Variants in PJA2 observed in about 807,000 individuals in gnomAD.
PJA2 encodes the protein praja ring finger ubiquitin ligase 2.
In PJA2, 25 loss-of-function variants were observed where a neutral mutation model predicts 69.3. The observed-to-expected ratio is 0.36, with a 90% CI of 0.26 to 0.50. The LOEUF is 0.50. Among genes scored for constraint, PJA2 ranks in the 20% least tolerant of loss-of-function variants. PJA2 has a pLI of 0.96. For synonymous variants in PJA2, 308 were observed against 277.8 expected (o/e 1.11, Z -1.08); for missense variants, 809 against 830.2 (o/e 0.97, Z 0.31).
rs1316271119 is a variant in PJA2 at position 109,383,535 on chromosome 5, T to G, written c.-87-15A>C. 1 of 930,252 alleles carries G rather than the reference T, an allele frequency of 1.1e-6. No homozygotes were observed. 57.6% of individuals were successfully genotyped at this position (930,252 alleles called of 1,614,324 possible). Reference sequence around the variant, plus strand: ...GCAGAAGATTCCTACAAAGAAACAATGAATTGAACAATATATTAATAAAAG... The same window carrying G: ...GCAGAAGATTCCTACAAAGAAACAAGGAATTGAACAATATATTAATAAAAG... On this transcript the variant is annotated splice_polypyrimidine_tract_variant and intron_variant, in intron 1 of 9. Transcript: ENST00000361189.
chr5:109,400,480 AGG>A (rs879317404), intron 1 of PJA2, among the ~76,000 whole-genome samples: 1 of 18,312 alleles, frequency 5.5e-5, no homozygotes, highest in African/African-American at 3.2e-4. Context: ...GCAAACCAGC[AGG>A]GGGAGGGGGG....
intron 3 of PJA2, among the ~76,000 whole-genome samples, chr5:109,380,931 G>A (rs528485662): frequency 2.4e-4 from 36 of 151,396 alleles, no homozygotes; most frequent in Middle Eastern, 3.4e-3. Flanking sequence ...CCTGGCCAAC[G>A]TGGTGAAACC....
At chr5:109,361,280 A>AATT (rs2126997911) in intron 6 of PJA2, among the ~76,000 whole-genome samples, 1 of 152,308 alleles carries the variant, frequency 6.6e-6, no homozygotes, top group Admixed American at 6.5e-5. Flanking sequence ...ATTTGTCCTA[A>AATT]AGGAAAAACC....
intron 7 of PJA2, among the ~76,000 whole-genome samples, chr5:109,350,216 T>C (rs1762227850): frequency 5.3e-5 from 8 of 151,814 alleles, no homozygotes; most frequent in Non-Finnish European, 1.5e-5. Flanking sequence ...TTTAAGATGA[T>C]CCAGGATCAC....
chr5:109,397,814 G>C (rs1433054071), intron 1 of PJA2, among the ~76,000 whole-genome samples: 4 of 152,140 alleles, frequency 2.6e-5, no homozygotes, highest in Non-Finnish European at 5.9e-5. Context: ...GTGAGCCACG[G>C]TGAACGGCCA....
chr5:109,399,826 T>C (rs181566479), intron 1 of PJA2, among the ~76,000 whole-genome samples: 1 of 152,240 alleles, frequency 6.6e-6, no homozygotes, highest in East Asian at 1.9e-4. Flanking sequence ...AAAATAACTA[T>C]GATTACCCTT....
intron 7 of PJA2, among the ~76,000 whole-genome samples, chr5:109,349,140 A>G (rs986083491): frequency 6.6e-6 from 1 of 152,196 alleles, no homozygotes; most frequent in Non-Finnish European, 1.5e-5. Flanking sequence ...ATACAATTCT[A>G]TTGATGGATG....
intron 1 of PJA2, among the ~76,000 whole-genome samples, chr5:109,407,197 G>A (rs923815893): frequency 6.6e-6 from 1 of 152,114 alleles, no homozygotes; most frequent in African/African-American, 2.4e-5. Context: ...ACATTTTACT[G>A]TATCTAAGTT....
In PJA2 at chr5:109,362,936, G is replaced by C; in HGVS notation, c.1556C>G (p.Pro519Arg). The change falls in exon 6 of 10, where the codon CCT (proline) becomes CGT (arginine). Residue 519 changes from proline (P) to arginine (R), a missense_variant. Physicochemically the swap from Pro to Arg is moderately radical, Grantham distance 103 (BLOSUM62 -2). This residue lies in a region of PJA2 where 700 missense variants were observed against 639.5 expected (regional missense o/e 1.09). Transcript: ENST00000361189. ...NESSSDEGNE[P>R]ANEFAQPAFM... ...AGCTGGCTGTGCAAATTCATTGGCA[G>C]GTTCATTTCCCTCATCACTGCTGCT... 1 of 1,613,856 alleles carries C rather than the reference G, an allele frequency of 6.2e-7. No individual in the cohort carries two copies. The highest frequency in any genetic ancestry group is 8.5e-7 in the Non-Finnish European group (1 of 1,179,828).
At chr5:109,356,754 C>T (rs1015254244) in intron 6 of PJA2, among the ~76,000 whole-genome samples, 4 of 151,918 alleles carry the variant, frequency 2.6e-5, no homozygotes, top group African/African-American at 9.7e-5. Context: ...TTATTTCAAG[C>T]CTTTCTCATT....
intron 1 of PJA2, among the ~76,000 whole-genome samples, chr5:109,406,007 T>C (rs7707691): frequency 0.17 from 25,641 of 150,336 alleles, 3,406 homozygotes; most frequent in East Asian, 0.36. Flanking sequence ...AAGAATGTAT[T>C]AAAAAATGCT....
At chr5:109,383,852 A>G (rs1747103683) in intron 1 of PJA2, among the ~76,000 whole-genome samples, 1 of 152,244 alleles carries the variant, frequency 6.6e-6, no homozygotes, top group African/African-American at 2.4e-5. Context: ...GCTTGAGCCC[A>G]GGAGGTGGAG....
intron 9 of PJA2, among the ~76,000 whole-genome samples, chr5:109,338,725 T>C (rs1260338415): frequency 1.3e-5 from 2 of 152,134 alleles, no homozygotes; most frequent in Non-Finnish European, 2.9e-5. Context: ...AATAACATTT[T>C]AGAGTCAAAT....
intron 6 of PJA2, among the ~76,000 whole-genome samples, chr5:109,358,529 G>A (rs1762455557): frequency 6.6e-6 from 1 of 152,108 alleles, no homozygotes; most frequent in Non-Finnish European, 1.5e-5. Flanking sequence ...AGCGCCACTG[G>A]GTTAGGGTCT....
At chr5:109,384,793 A>C (rs1171635570) in intron 1 of PJA2, among the ~76,000 whole-genome samples, 1 of 152,136 alleles carries the variant, frequency 6.6e-6, no homozygotes, top group Non-Finnish European at 1.5e-5. Flanking sequence ...ATACTGGCAA[A>C]AACATAGGTG....
At chr5:109,404,729 A>C (rs1313343658) in intron 1 of PJA2, among the ~76,000 whole-genome samples, 1 of 152,082 alleles carries the variant, frequency 6.6e-6, no homozygotes, top group East Asian at 1.9e-4. Flanking sequence ...ATGAAGGCAG[A>C]AGCTTCATGA....
intron 6 of PJA2, among the ~76,000 whole-genome samples, chr5:109,357,164 C>G (rs1350382974): frequency 6.6e-6 from 1 of 152,144 alleles, no homozygotes; most frequent in East Asian, 1.9e-4. Flanking sequence ...TGGGGGCACC[C>G]TGAGTAGATG....
Position 109,336,285 on chromosome 5 carries a change from A to C in PJA2, c.*946T>G, listed in dbSNP as rs1029173869. ...TCGTCCACTGTGTGTGATCACCTGAAGGAGACATTGTGCATCTTAGTTTGG... is the reference window on the plus strand; with the variant it reads ...TCGTCCACTGTGTGTGATCACCTGACGGAGACATTGTGCATCTTAGTTTGG... On this transcript the variant is annotated 3_prime_UTR_variant, in exon 10 of 10. Coordinates refer to ENST00000361189, the MANE Select transcript of PJA2 (RefSeq NM_014819.5). The C allele has an allele frequency of 1.3e-5, 2 of 152,228 alleles. No individual in the cohort carries two copies. The highest frequency in any genetic ancestry group is 2.9e-5 in the Non-Finnish European group (2 of 68,028). The allele number at this position is 152,228 out of a possible 1,614,324, so 9.4% of individuals were successfully genotyped here.
chr5:109,344,845 T>C (rs1206388580), intron 7 of PJA2, 26 bp from the exon 8 acceptor site: 3 of 1,451,528 alleles, frequency 2.1e-6, no homozygotes, highest in African/African-American at 2.8e-5. Context: ...TACAGTTCTT[T>C]GTTAGAAATA....
Sources: allele counts gnomAD v4.1 joint callset (sites outside exome capture counted in the v4.1 genomes callset), GRCh38; gene constraint gnomAD v4.1.1; regional missense constraint gnomAD v4.1.1; transcripts MANE v1.5; gene names NCBI Gene and HGNC (gene_info 2026-07-23, HGNC 2026-07-21).